MED26: variants seen among roughly 807,000 people sequenced by gnomAD.
MED26 encodes mediator of RNA polymerase II transcription subunit 26.
MED26 carries 7 observed loss-of-function variants against 43.7 expected under a neutral mutation model. The observed-to-expected ratio is 0.16, with a 90% CI of 0.09 to 0.30. The LOEUF is 0.30. Among genes scored for constraint, MED26 ranks in the 10% least tolerant of loss-of-function variants. MED26 has a pLI of 1.00. For synonymous variants in MED26, 375 were observed against 371.1 expected, an observed-to-expected ratio of 1.01 and a Z score of -0.12; for missense variants, 784 against 840.6, an observed-to-expected ratio of 0.93 and a Z score of 0.83.
At chr19:16,627,596 A>G (rs2086286367) in intron 1 of MED26, among the ~76,000 whole-genome samples, 1 of 152,152 alleles carries the variant, frequency 6.6e-6, no homozygotes, top group Non-Finnish European at 1.5e-5. Context: ...GTAGAGCTGG[A>G]GCAGAAAGGG....
intron 1 of MED26, among the ~76,000 whole-genome samples, chr19:16,605,469 G>C (rs1232426950): frequency 6.6e-6 from 1 of 152,224 alleles, no homozygotes; most frequent in Non-Finnish European, 1.5e-5. Context: ...CCATGGAAAG[G>C]GGAAATGGAT....
chr19:16,623,637 G>A (rs1463537555), intron 1 of MED26, among the ~76,000 whole-genome samples: 1 of 152,134 alleles, frequency 6.6e-6, no homozygotes, highest in African/African-American at 2.4e-5. Flanking sequence ...ATGTAACATA[G>A]GTAAATCCAG....
At position 16,575,152 on chromosome 19, in the gene MED26, C is replaced by G. The variant is rs1453670807; in HGVS notation, c.*875G>C. ...CGTACAGACAGGTCTTCCCCCTCGC[C>G]CCACAGTACAGCATAAAACCAGTAG... On this transcript the variant is annotated 3_prime_UTR_variant, in exon 3 of 3. Coordinates refer to ENST00000263390, the MANE Select transcript of MED26 (RefSeq NM_004831.5). The G allele has an allele frequency of 6.6e-6, 1 of 152,484 alleles. No individual in the cohort carries two copies. The highest frequency in any genetic ancestry group is 1.9e-4 in the East Asian group (1 of 5,194). 9.4% of individuals were successfully genotyped at this position (152,484 alleles called of 1,614,324 possible).
At chr19:16,615,713 T>A (rs1181063770) in intron 1 of MED26, among the ~76,000 whole-genome samples, 1 of 149,626 alleles carries the variant, frequency 6.7e-6, no homozygotes, top group East Asian at 2.0e-4. Flanking sequence ...ACCATTGCAC[T>A]CCAGCCTGGG....
chr19:16,608,603 G>A (rs894090446), intron 1 of MED26, among the ~76,000 whole-genome samples: 1 of 152,178 alleles, frequency 6.6e-6, no homozygotes. Context: ...GTCTGTTTTT[G>A]TAAATGAAGA....
intron 1 of MED26, among the ~76,000 whole-genome samples, chr19:16,621,465 G>A (rs541910328): frequency 4.6e-5 from 7 of 152,306 alleles, no homozygotes; most frequent in East Asian, 1.9e-4. Context: ...GCCCCCTGAC[G>A]TTTTCCAAGA....
intron 1 of MED26, 129 bp from the exon 2 acceptor site, chr19:16,578,538 C>G (rs966965230): frequency 2.0e-5 from 16 of 797,012 alleles, no homozygotes; most frequent in Non-Finnish European, 3.2e-5. Flanking sequence ...CTGAAGCCCC[C>G]ACTCCATGTC....
intron 1 of MED26, among the ~76,000 whole-genome samples, chr19:16,585,149 C>T (rs990557451): frequency 1.4e-4 from 21 of 152,308 alleles, no homozygotes; most frequent in African/African-American, 2.4e-5. Context: ...TGGGCTGCTG[C>T]TTAACAGACC....
In MED26 at chr19:16,586,712, C is replaced by T. The variant is rs988011170; in HGVS notation, c.73-8303G>A. Among the ~76,000 whole-genome samples the T allele has an allele frequency of 5.3e-5, 8 of 152,206 alleles. No homozygotes were observed. The highest frequency in any genetic ancestry group is 1.9e-4 in the African/African-American group (8 of 41,452). On this transcript the variant is annotated intron_variant, in intron 1 of 2. Coordinates refer to ENST00000263390, the MANE Select transcript of MED26 (RefSeq NM_004831.5). This position sits in a 1 kb window ranked among gnomAD's most constrained non-coding sequence, Gnocchi z 5.1. ...AGCACAGACTGCAGTTCTGCACTCC[C>T]CCACCTCGGTGTCCGGCCAGCCTTC...
intron 1 of MED26, among the ~76,000 whole-genome samples, chr19:16,597,216 C>T (rs868175643): frequency 5.3e-5 from 8 of 152,270 alleles, no homozygotes; most frequent in African/African-American, 1.2e-4. Flanking sequence ...ATCAATCCCA[C>T]GTCCCTGTGC....
intron 1 of MED26, among the ~76,000 whole-genome samples, chr19:16,605,718 T>C (rs926540294): frequency 4.6e-5 from 7 of 151,888 alleles, no homozygotes; most frequent in Admixed American, 3.3e-4. Flanking sequence ...GGTGAAGGCA[T>C]AGGGGAACAA....
intron 1 of MED26, among the ~76,000 whole-genome samples, chr19:16,579,154 A>G (rs1177266712): frequency 6.6e-6 from 1 of 152,156 alleles, no homozygotes; most frequent in East Asian, 1.9e-4. Context: ...ATCCAAAGAC[A>G]CCATAAAGAG....
rs1488409011 is a variant in MED26 at position 16,577,380 on chromosome 19, C to T, written c.450G>A (p.Arg150=). The T allele has an allele frequency of 1.9e-6, 3 of 1,609,180 alleles. No homozygotes were observed. The highest frequency in any genetic ancestry group is 4.5e-5 in the East Asian group (2 of 44,742). ...RLDRLGSRKR[R]GDQRDLGHPG... is the part of the protein sequence containing the mutation. ...GGTGGCCGAGGTCACGCTGGTCACC[C>T]CGGCGCTTGCGGCTGCCCAGCCTGT... The change falls in exon 3 of 3, where the codon CGG becomes CGA. Residue 150 remains arginine, a synonymous_variant. Transcript: ENST00000263390. This position sits in a 1 kb window ranked among gnomAD's most constrained non-coding sequence, Gnocchi z 8.1.
intron 1 of MED26, among the ~76,000 whole-genome samples, chr19:16,590,196 T>A (rs1272876671): frequency 1.3e-5 from 2 of 152,242 alleles, no homozygotes; most frequent in Non-Finnish European, 2.9e-5. Context: ...GCCAGCACCC[T>A]GCAGGGCACT....
chr19:16,623,590 T>C (rs2086260881), intron 1 of MED26, among the ~76,000 whole-genome samples: 1 of 152,184 alleles, frequency 6.6e-6, no homozygotes, highest in Admixed American at 6.5e-5. Flanking sequence ...CTTAAGATGT[T>C]CACGGGACAG....
At chr19:16,624,784 T>C (rs1426197401) in intron 1 of MED26, 1 of 152,196 alleles carries the variant, frequency 6.6e-6, no homozygotes, top group African/African-American at 2.4e-5. Flanking sequence ...GGGGCTCAAA[T>C]GTAGCTCCTC....
chr19:16,577,142 T>A lies in MED26; in HGVS notation c.688A>T (p.Thr230Ser). The change falls in exon 3 of 3, where the codon ACC (threonine) becomes TCC (serine). Residue 230 changes from threonine to serine, a missense_variant. Physicochemically the swap from Thr to Ser is moderately conservative, Grantham distance 58. Transcript: ENST00000263390. The surrounding 1 kb of genome is among the most constrained non-coding windows in gnomAD (Gnocchi z 8.1). ...KIPVNAVRPHTSSPGLGKPPG... is the reference protein window; with the variant it reads ...KIPVNAVRPHSSSPGLGKPPG... Reference sequence around the variant, plus strand: ...GGCTTGCCCAGGCCCGGGGAGCTGGTGTGCGGTCGCACGGCGTTGACGGGG... The same window carrying A: ...GGCTTGCCCAGGCCCGGGGAGCTGGAGTGCGGTCGCACGGCGTTGACGGGG... 6.2e-7 allele frequency: 1 copy of A among 1,613,324 alleles called. No homozygotes were observed. Among genetic ancestry groups the A allele is most frequent in the African/African-American group, 1.3e-5 (1 of 75,060 alleles).
At chr19:16,591,786 G>T (rs182618699) in intron 1 of MED26, among the ~76,000 whole-genome samples, 1 of 152,204 alleles carries the variant, frequency 6.6e-6, no homozygotes, top group Non-Finnish European at 1.5e-5. Context: ...GCCACGGTGC[G>T]TCTGACAGAG....
At chr19:16,609,694 A>G (rs552981911) in intron 1 of MED26, among the ~76,000 whole-genome samples, 2 of 152,260 alleles carry the variant, frequency 1.3e-5, no homozygotes, top group African/African-American at 4.8e-5. Flanking sequence ...GAATGAAACT[A>G]AAGTCCATTT....
Sources: gnomAD v4.1 joint callset for allele counts (sites outside exome capture counted in the v4.1 genomes callset) on GRCh38, gnomAD v4.1.1 for gene constraint, Gnocchi (gnomAD v3.1) non-coding constraint, MANE v1.5 for transcripts, NCBI Gene and HGNC (gene_info 2026-07-23, HGNC 2026-07-21) for gene names.